ZNF638: variants seen among roughly 807,000 people sequenced by gnomAD.
ZNF638 encodes CTCL tumor antigen se33-1.
Under a neutral mutation model 195.6 loss-of-function variants are expected in ZNF638, and 46 were observed. The observed-to-expected ratio is 0.24, with a 90% CI of 0.19 to 0.30. ZNF638 has a LOEUF of 0.30. ZNF638 is among the 10% of genes least tolerant of loss of function. ZNF638 has a pLI of 1.00. For synonymous variants in ZNF638, 845 were observed against 772.0 expected, an observed-to-expected ratio of 1.09 and a Z score of -1.57; for missense variants, 2,440 against 2,325.3, an observed-to-expected ratio of 1.05 and a Z score of -1.01.
At chr2:71,337,611 G>T (rs980903506) in intron 1 of ZNF638, among the ~76,000 whole-genome samples, 1 of 125,764 alleles carries the variant, frequency 8.0e-6, no homozygotes, top group Non-Finnish European at 1.9e-5. Context: ...TTGCCATGTT[G>T]CCCAGGCTGG....
At chr2:71,362,601 G>C (rs1489824459) in intron 3 of ZNF638, among the ~76,000 whole-genome samples, 1 of 152,132 alleles carries the variant, frequency 6.6e-6, no homozygotes, top group Non-Finnish European at 1.5e-5. Flanking sequence ...AAACACCGAT[G>C]TTTTGCCTCC....
intron 1 of ZNF638, among the ~76,000 whole-genome samples, chr2:71,346,059 A>G (rs1343663156): frequency 6.6e-6 from 1 of 152,222 alleles, no homozygotes; most frequent in African/African-American, 2.4e-5. Context: ...GGAATTTTAA[A>G]TGGAGATTGT....
chr2:71,423,878 A>T lies in ZNF638; in HGVS notation c.4364A>T (p.Lys1455Ile). 2 of 1,614,098 alleles carry T rather than the reference A, an allele frequency of 1.2e-6. No individual in the cohort carries two copies. The highest frequency in any genetic ancestry group is 2.2e-5 in the South Asian group (2 of 91,074). The change falls in exon 22 of 28, where the codon AAA (lysine) becomes ATA (isoleucine). Residue 1455 changes from lysine to isoleucine, a missense_variant. Physicochemically the swap from Lys to Ile is moderately radical, Grantham distance 102. Coordinates refer to ENST00000264447, the MANE Select transcript of ZNF638 (RefSeq NM_014497.5). ...ARSGLAESSS[K>I]FKPTQSSLTR... is the part of the protein sequence containing the mutation. ...TCAGGCTTGGCAGAAAGCAGCAGTA[A>T]ATTCAAACCTACTCAGAGCAGTCTT...
Position 71,426,903 on chromosome 2 carries a change from A to G in ZNF638, c.5034A>G (p.Glu1678=). ...VAEEQDLLKQ[E]RLVTVDEIGE... is the part of the protein sequence containing the mutation. ...AAGAACAAGATCTCCTCAAACAGGA[A>G]CGCTTGGTAACTGTGGATGAAATTG... Residue 1678 remains glutamate, a synonymous_variant, in exon 24 of 28, where the codon GAA becomes GAG. Coordinates refer to ENST00000264447, the MANE Select transcript of ZNF638 (RefSeq NM_014497.5). 1 of 1,614,184 alleles carries G rather than the reference A, an allele frequency of 6.2e-7. No individual in the cohort carries two copies. The highest frequency in any genetic ancestry group is 1.1e-5 in the South Asian group (1 of 91,082).
intron 8 of ZNF638, chr2:71,379,691 T>C (rs2079498854): frequency 6.6e-6 from 1 of 152,202 alleles, no homozygotes; most frequent in Non-Finnish European, 1.5e-5. Context: ...CAGTAAGATA[T>C]TTTGACAGAC....
intron 17 of ZNF638, among the ~76,000 whole-genome samples, chr2:71,405,070 G>T (rs146114388): frequency 6.6e-6 from 1 of 152,206 alleles, no homozygotes; most frequent in African/African-American, 2.4e-5. Context: ...AAAAGTTTAG[G>T]ATCCTCAGTC....
intron 12 of ZNF638, among the ~76,000 whole-genome samples, 192 bp downstream of exon 12, chr2:71,398,964 CAT>C (rs939238010): frequency 1.3e-5 from 2 of 152,110 alleles, no homozygotes; most frequent in Admixed American, 1.3e-4. Context: ...TAAACAATCA[CAT>C]ATATATAAAG....
Position 71,390,214 on chromosome 2 carries a change from C to T in ZNF638, c.2378-5927C>T, listed in dbSNP as rs2079743322. ...GTGGGAAACTTCATGAGGGGCCAGC[C>T]CCAGGCCCTGCTCCAAACTTGGGCA... On this transcript the variant is annotated intron_variant, in intron 10 of 27. Transcript: ENST00000264447. Among the ~76,000 whole-genome samples the T allele has an allele frequency of 3.3e-5, 5 of 152,300 alleles. No homozygotes were observed. The South Asian group carries it at 8.3e-4, about 25-fold the overall frequency.
chr2:71,379,955 C>T (rs942493284), intron 8 of ZNF638: 1 of 246,980 alleles, frequency 4.0e-6, no homozygotes, highest in African/African-American at 2.3e-5. Flanking sequence ...ATATAGGGTT[C>T]AGCACGAGCA....
At position 71,350,143 on chromosome 2, in the gene ZNF638, T is replaced by A; in HGVS notation, c.1189T>A (p.Ser397Thr). The change falls in exon 2 of 28, where the codon TCA becomes ACA. Residue 397 changes from serine (S) to threonine (T), a missense_variant. This residue lies in a region of ZNF638 where 305 missense variants were observed against 283.6 expected (regional missense o/e 1.08). Transcript: ENST00000264447. ...GAAAGCATCCTGGCTACCAAAGTTT[T>A]CACATGCTGATGCCCAGAAGATGAA... ...IVKASWLPKF[S>T]HADAQKMKRL... The A allele has an allele frequency of 1.2e-6, 2 of 1,613,958 alleles. No individual in the cohort carries two copies. The highest frequency in any genetic ancestry group is 1.7e-6 in the Non-Finnish European group (2 of 1,180,030).
At chr2:71,388,144 GCAAAC>G (rs2079682822) in intron 10 of ZNF638, among the ~76,000 whole-genome samples, 1 of 152,148 alleles carries the variant, frequency 6.6e-6, no homozygotes, top group Non-Finnish European at 1.5e-5. Context: ...AAGGAGAGAC[GCAAAC>G]CTTCTTGGAA....
chr2:71,381,560 A>T (rs2670717), intron 10 of ZNF638, among the ~76,000 whole-genome samples: 23,892 of 152,062 alleles, frequency 0.16, 2,394 homozygotes, highest in East Asian at 0.57. Context: ...ACAAAGTTCA[A>T]TTATTCTATT....
chr2:71,410,961 G>A (rs1459931739), intron 20 of ZNF638, among the ~76,000 whole-genome samples: 3 of 110,424 alleles, frequency 2.7e-5, no homozygotes, highest in Non-Finnish European at 5.5e-5. Context: ...AGAGCAGGAA[G>A]TTTTTCTCCC....
chr2:71,426,317 A>T, intron 23 of ZNF638, 143 bp from the exon 24 acceptor site: 3 of 612,874 alleles, frequency 4.9e-6, no homozygotes, highest in Non-Finnish European at 8.2e-6. Flanking sequence ...TAAAAAAAAC[A>T]ACTCTTAATT....
chr2:71,408,682 G>A, intron 20 of ZNF638: 1 of 416,724 alleles, frequency 2.4e-6, no homozygotes, highest in East Asian at 7.9e-5. Context: ...CTACACAGTA[G>A]TACATGTAGG....
intron 10 of ZNF638, among the ~76,000 whole-genome samples, chr2:71,384,789 C>A (rs924380335): frequency 6.6e-6 from 1 of 151,992 alleles, no homozygotes; most frequent in East Asian, 1.9e-4. Flanking sequence ...TCTTTTAAAT[C>A]TAAGTATAAA....
chr2:71,422,736 G>A (rs1573164083), intron 21 of ZNF638, 78 bp from the exon 22 acceptor site: 1 of 1,436,292 alleles, frequency 7.0e-7, no homozygotes, highest in Non-Finnish European at 9.3e-7. Context: ...TCTTTATAAT[G>A]GTTGAATTCT....
At chr2:71,395,941 A>G (rs1337644937) in intron 10 of ZNF638, 200 bp from the exon 11 acceptor site, 2 of 605,902 alleles carry the variant, frequency 3.3e-6, no homozygotes, top group Non-Finnish European at 5.8e-6. Flanking sequence ...TACTTGTTAA[A>G]ATTTAAATCT....
At chr2:71,350,861 C>T (rs2078927857) in intron 2 of ZNF638, among the ~76,000 whole-genome samples, 1 of 151,982 alleles carries the variant, frequency 6.6e-6, no homozygotes, top group African/African-American at 2.4e-5. Context: ...GCTGTGGACT[C>T]AGAAAATAGT....
Sources: allele counts gnomAD v4.1 joint callset (sites outside exome capture counted in the v4.1 genomes callset), GRCh38; gene constraint gnomAD v4.1.1; regional missense constraint gnomAD v4.1.1; transcripts MANE v1.5; gene names NCBI Gene and HGNC (gene_info 2026-07-23, HGNC 2026-07-21).